Variants in SOHLH2 observed in about 807,000 individuals in gnomAD.
SOHLH2 encodes the protein spermatogenesis- and oogenesis-specific basic helix-loop-helix-containing protein 2.
Under a neutral mutation model 50.4 loss-of-function variants are expected in SOHLH2, and 22 were observed. That is an observed-to-expected ratio of 0.44 (90% CI 0.31 to 0.62). The LOEUF (loss-of-function observed/expected upper bound fraction) is 0.62, where lower values mean the gene tolerates loss of function less well. SOHLH2 is among the 20% of genes least tolerant of loss of function. SOHLH2 has a pLI of 0.08. For missense variants in SOHLH2, 412 were observed against 504.4 expected, an observed-to-expected ratio of 0.82 and a Z score of 1.76; for synonymous variants, 185 against 187.3, an observed-to-expected ratio of 0.99 and a Z score of 0.10.
At chr13:36,211,488 C>A (rs951562779) in intron 1 of SOHLH2, among the ~76,000 whole-genome samples, 1 of 152,172 alleles carries the variant, frequency 6.6e-6, no homozygotes, top group African/African-American at 2.4e-5. Flanking sequence ...TTCTAATAGC[C>A]CTTTTCTCTG....
chr13:36,185,019 G>A (rs374143305), intron 6 of SOHLH2, among the ~76,000 whole-genome samples: 2 of 152,180 alleles, frequency 1.3e-5, no homozygotes, highest in South Asian at 2.1e-4. Flanking sequence ...AGACCATGCG[G>A]TATTTGGTTT....
chr13:36,206,896 G>A (rs1004601691), intron 1 of SOHLH2, among the ~76,000 whole-genome samples: 2 of 151,214 alleles, frequency 1.3e-5, no homozygotes, highest in Non-Finnish European at 3.0e-5. Context: ...AACAACATAT[G>A]TAATCTATGT....
chr13:36,196,105 TA>T (rs1887717055), intron 2 of SOHLH2, among the ~76,000 whole-genome samples: 1 of 132,068 alleles, frequency 7.6e-6, no homozygotes, highest in Non-Finnish European at 1.6e-5. Context: ...GAAAGATAGA[TA>T]GATAGATAGA....
At chr13:36,206,325 T>C (rs970773554) in intron 1 of SOHLH2, among the ~76,000 whole-genome samples, 5 of 152,028 alleles carry the variant, frequency 3.3e-5, no homozygotes, top group Admixed American at 1.3e-4. Flanking sequence ...CTAGTGGCAT[T>C]TTGTTGTACC....
intron 6 of SOHLH2, chr13:36,182,428 ACT>A (rs1220574852): frequency 1.0e-5 from 3 of 298,290 alleles, no homozygotes; most frequent in African/African-American, 6.8e-5. Flanking sequence ...CTGGAGAGTG[ACT>A]CTATGACAGT....
chr13:36,193,474 C>T (rs1394393599), intron 4 of SOHLH2, 147 bp downstream of exon 4: 1 of 1,001,390 alleles, frequency 1.0e-6, no homozygotes. Context: ...CATTCTAAAC[C>T]TCTGAAGATG....
chr13:36,173,762 G>A lies in SOHLH2; in HGVS notation c.930C>T (p.Phe310=), dbSNP rs779988046. The A allele has an allele frequency of 5.6e-6, 9 of 1,613,928 alleles. No homozygotes were observed. The highest frequency in any genetic ancestry group is 7.6e-6 in the Non-Finnish European group (9 of 1,180,042). ...ACCCATTCCAGCACGTATTAGTCAG[G>A]AATTGGAGCCCTCTCTCAGGGGAGT... is the stretch of plus-strand genomic sequence containing the variant. The part of the protein sequence containing the change: ...STYSPERGLQ[F]LTNTCWNGCS... Residue 310 remains phenylalanine, a synonymous_variant, in exon 9 of 11, where the codon TTC becomes TTT. Coordinates refer to ENST00000379881, the MANE Select transcript of SOHLH2 (RefSeq NM_017826.3).
intron 1 of SOHLH2, among the ~76,000 whole-genome samples, chr13:36,207,679 CT>C (rs1181070106): frequency 2.0e-5 from 3 of 152,180 alleles, no homozygotes; most frequent in Non-Finnish European, 4.4e-5. Flanking sequence ...AGGATCCCAT[CT>C]GGATAATAGG....
At chr13:36,198,580 A>C (rs1263526279) in intron 2 of SOHLH2, among the ~76,000 whole-genome samples, 1 of 152,244 alleles carries the variant, frequency 6.6e-6, no homozygotes, top group Non-Finnish European at 1.5e-5. Flanking sequence ...ACGTTAACCT[A>C]TAAGTGAGAT....
chr13:36,177,945 T>C (rs1459117193), intron 6 of SOHLH2, among the ~76,000 whole-genome samples: 1 of 152,012 alleles, frequency 6.6e-6, no homozygotes, highest in Non-Finnish European at 1.5e-5. Context: ...CTCTCTCTCA[T>C]GGTTATTGCT....
chr13:36,193,914 A>G, intron 2 of SOHLH2, 47 bp from the exon 3 acceptor site: 1 of 1,562,184 alleles, frequency 6.4e-7, no homozygotes. Flanking sequence ...TCATTATTCA[A>G]AAAATTGAGA....
At chr13:36,208,862 CTT>C (rs1868938924) in intron 1 of SOHLH2, among the ~76,000 whole-genome samples, 1 of 152,132 alleles carries the variant, frequency 6.6e-6, no homozygotes, top group South Asian at 2.1e-4. Flanking sequence ...GTCAAAATCA[CTT>C]TGTCTCTGAA....
At chr13:36,210,275 G>A (rs1467711473) in intron 1 of SOHLH2, among the ~76,000 whole-genome samples, 1 of 152,012 alleles carries the variant, frequency 6.6e-6, no homozygotes, top group African/African-American at 2.4e-5. Flanking sequence ...GCACCCTTTG[G>A]GCTACTTTCA....
chr13:36,208,370 T>C (rs1487516970), intron 1 of SOHLH2, among the ~76,000 whole-genome samples: 1 of 152,344 alleles, frequency 6.6e-6, no homozygotes, highest in East Asian at 1.9e-4. Flanking sequence ...AAGGACATAT[T>C]TATTTTATTC....
rs1229884029 is a variant in SOHLH2, at chr13:36,184,460, C to CTTTTTTTTTTTTTTTTTT, written c.641+5468_641+5485dup. Among the ~76,000 whole-genome samples the CTTTTTTTTTTTTTTTTTT allele has an allele frequency of 2.2e-3, 263 of 121,090 alleles. 20 individuals carry two copies. The highest frequency in any genetic ancestry group is 3.7e-3 in the Non-Finnish European group (207 of 56,662). 79.4% of individuals were successfully genotyped at this position (121,090 alleles called of 152,430 possible). On this transcript the variant is annotated intron_variant, in intron 6 of 10. Transcript: ENST00000379881. ...GATGGAAGTTTCTACCTACAAAGAC[C>CTTTTTTTTTTTTTTTTTT]TTTTTTTTTTTTTTTTTTTGAGACG...
intron 1 of SOHLH2, among the ~76,000 whole-genome samples, chr13:36,210,565 T>TACTTGAAGGAATGTG (rs1869056655): frequency 6.6e-6 from 1 of 152,212 alleles, no homozygotes; most frequent in Non-Finnish European, 1.5e-5. Context: ...CCTTCTTATT[T>TACTTGAAGGAATGTG]TTCCATGATA....
chr13:36,201,708 A>G (rs564869864), intron 2 of SOHLH2, among the ~76,000 whole-genome samples, 171 bp downstream of exon 2: 7 of 152,304 alleles, frequency 4.6e-5, no homozygotes, highest in Admixed American at 4.6e-4. Context: ...GGGTTAAAGC[A>G]ATCATCCCAC....
At chr13:36,211,400 T>C (rs1283740532) in intron 1 of SOHLH2, among the ~76,000 whole-genome samples, 2 of 152,340 alleles carry the variant, frequency 1.3e-5, no homozygotes, top group East Asian at 3.9e-4. Context: ...GCCCTTACTA[T>C]AGGGCAGACA....
chr13:36,207,011 T>C (rs1178786652), intron 1 of SOHLH2, among the ~76,000 whole-genome samples: 2 of 151,886 alleles, frequency 1.3e-5, no homozygotes, highest in Admixed American at 1.3e-4. Flanking sequence ...CCTCAAATTT[T>C]ATTTTTCTGA....
Sources: gnomAD v4.1 joint callset for allele counts (sites outside exome capture counted in the v4.1 genomes callset) on GRCh38, gnomAD v4.1.1 for gene constraint, MANE v1.5 for transcripts, NCBI Gene and HGNC (gene_info 2026-07-23, HGNC 2026-07-21) for gene names.